Variants in GDPD4 observed in about 807,000 individuals in gnomAD.
The protein encoded by GDPD4 is glycerophosphodiester phosphodiesterase domain containing 4.
GDPD4 carries 60 observed loss-of-function variants against 67.8 expected under a neutral mutation model. The observed-to-expected ratio is 0.88, with a 90% confidence interval of 0.72 to 1.10. GDPD4 has a LOEUF of 1.10. Among genes scored for constraint, GDPD4 ranks in the 50% least tolerant of loss-of-function variants. The pLI is 0.00. For synonymous variants in GDPD4, 212 were observed against 210.9 expected (o/e 1.00, Z -0.04); for missense variants, 623 against 613.9 (o/e 1.01, Z -0.16).
At chr11:77,295,171 A>G (rs1283905909) in intron 1 of GDPD4, among the ~76,000 whole-genome samples, 1 of 151,274 alleles carries the variant, frequency 6.6e-6, no homozygotes, top group African/African-American at 2.4e-5. Flanking sequence ...TATTTTTAGT[A>G]GAGATGGGGT....
intron 13 of GDPD4, among the ~76,000 whole-genome samples, chr11:77,237,550 T>C (rs954539802): frequency 4.6e-5 from 7 of 152,290 alleles, no homozygotes; most frequent in African/African-American, 1.7e-4. Flanking sequence ...TAGTGAGCCA[T>C]AAAATAAGTT....
rs746589257 is a variant in GDPD4, at chr11:77,252,049, TG to T, written c.864+6336del. ...GGGTGTCCATTTGGGTTTTTTTGTT[TG>T]TTTGTTTTTTTTTTGTTTTTTTTTT... is the stretch of plus-strand genomic sequence containing the variant. On this transcript the variant is annotated intron_variant, in intron 11 of 16. Transcript: ENST00000315938. Among the ~76,000 whole-genome samples, 72 of 81,280 alleles carry T rather than the reference TG, an allele frequency of 8.9e-4. 2 individuals carry two copies. Among genetic ancestry groups the T allele is most frequent in the African/African-American group, 1.4e-3 (29 of 20,312 alleles). The allele number at this position is 81,280 out of a possible 152,430, so 53.3% of individuals were successfully genotyped here.
At chr11:77,242,125 G>A (rs2135841470) in intron 13 of GDPD4, among the ~76,000 whole-genome samples, 1 of 151,970 alleles carries the variant, frequency 6.6e-6, no homozygotes, top group East Asian at 1.9e-4. Context: ...TGCACAGCAG[G>A]GTAACTACAG....
chr11:77,243,533 G>T (rs1472776048), intron 13 of GDPD4, among the ~76,000 whole-genome samples, 161 bp downstream of exon 13: 1 of 139,010 alleles, frequency 7.2e-6, no homozygotes, highest in Non-Finnish European at 1.6e-5. Context: ...GGGAGGGAGG[G>T]AGGGAGGGAG....
intron 10 of GDPD4, among the ~76,000 whole-genome samples, chr11:77,266,447 G>A (rs2156863): frequency 0.073 from 11,143 of 152,166 alleles, 657 homozygotes; most frequent in East Asian, 0.24. Context: ...ACCTGAGGAT[G>A]ACAATAAACA....
chr11:77,232,463 A>C (rs753850555), intron 14 of GDPD4, among the ~76,000 whole-genome samples: 11 of 152,234 alleles, frequency 7.2e-5, no homozygotes, highest in Non-Finnish European at 1.5e-4. Context: ...ATCGTAAACC[A>C]GGTCTTCAGG....
chr11:77,258,304 T>C, intron 11 of GDPD4, 82 bp downstream of exon 11: 1 of 1,336,438 alleles, frequency 7.5e-7, no homozygotes, highest in Admixed American at 1.7e-5. Context: ...TATCTTCATC[T>C]ATGGCCTTTA....
rs565444204 is a variant in GDPD4 at position 77,262,066 on chromosome 11, T to C, written c.708-3524A>G. ...ACAGATTCCCCTTAAATGATCTCTT[T>C]AGCTGGCTTCCTAAGGGAATGGGAA... On this transcript the variant is annotated intron_variant, in intron 10 of 16. Transcript: ENST00000315938. Among the ~76,000 whole-genome samples, 12 of 152,358 alleles carry C rather than the reference T, an allele frequency of 7.9e-5. No homozygotes were observed. In the East Asian group the frequency reaches 1.3e-3, roughly 17 times the overall value.
intron 10 of GDPD4, among the ~76,000 whole-genome samples, chr11:77,260,330 G>GCA (rs1411096626): frequency 2.0e-5 from 3 of 151,064 alleles, no homozygotes; most frequent in Admixed American, 2.0e-4. Flanking sequence ...GTCGGGGGAG[G>GCA]GGGGGGAATA....
chr11:77,247,115 T>C (rs1447734187), intron 11 of GDPD4, among the ~76,000 whole-genome samples: 2 of 152,134 alleles, frequency 1.3e-5, no homozygotes, highest in African/African-American at 2.4e-5. Flanking sequence ...AAAGAAACAA[T>C]CACATTGCAC....
At chr11:77,285,453 T>A (rs1901821) in intron 2 of GDPD4, among the ~76,000 whole-genome samples, 1 of 152,034 alleles carries the variant, frequency 6.6e-6, no homozygotes, top group African/African-American at 2.4e-5. Context: ...GTCTCTGTAT[T>A]ACCAATACAT....
In GDPD4 at chr11:77,217,266, A is replaced by AATCTATCT. The variant is rs528202506; in HGVS notation, c.*3_*10dup. 13 of 1,596,052 alleles carry AATCTATCT rather than the reference A, an allele frequency of 8.1e-6. No individual in the cohort carries two copies. The highest frequency in any genetic ancestry group is 2.2e-5 in the East Asian group (1 of 44,814). The stretch of plus-strand genomic sequence containing the variant: ...ACAGGAGGTTTCATGGCTATGTGCA[A>AATCTATCT]ATCTATCTATCTATCTATCTTCCTC... On this transcript the variant is annotated 3_prime_UTR_variant, in exon 17 of 17. Transcript: ENST00000315938.
intron 13 of GDPD4, among the ~76,000 whole-genome samples, chr11:77,238,544 A>G (rs1352280091): frequency 1.3e-5 from 2 of 151,016 alleles, no homozygotes; most frequent in African/African-American, 4.9e-5. Context: ...AGATCACACC[A>G]TTGCACTCCA....
At chr11:77,218,309 C>G (rs1415946767) in intron 16 of GDPD4, among the ~76,000 whole-genome samples, 1 of 152,050 alleles carries the variant, frequency 6.6e-6, no homozygotes, top group Non-Finnish European at 1.5e-5. Context: ...TGATTAAAGT[C>G]TATTTTTTCT....
chr11:77,233,446 G>GAGA (rs1555115639), intron 13 of GDPD4, among the ~76,000 whole-genome samples: 2 of 100,408 alleles, frequency 2.0e-5, no homozygotes, highest in Non-Finnish European at 3.8e-5. Context: ...AAAACATATT[G>GAGA]AAAAAAAAAA....
chr11:77,236,284 T>A (rs1383819748), intron 13 of GDPD4, among the ~76,000 whole-genome samples: 1 of 152,092 alleles, frequency 6.6e-6, no homozygotes, highest in East Asian at 1.9e-4. Flanking sequence ...TCTGCACCCA[T>A]CAACTCATCA....
At chr11:77,289,085 C>A (rs1464773413) in intron 1 of GDPD4, among the ~76,000 whole-genome samples, 2 of 149,228 alleles carry the variant, frequency 1.3e-5, no homozygotes, top group Non-Finnish European at 3.0e-5. Context: ...AGGAAGGAAG[C>A]CTGGCTGGGC....
intron 10 of GDPD4, among the ~76,000 whole-genome samples, chr11:77,260,932 T>C (rs767341498): frequency 6.6e-6 from 1 of 152,102 alleles, no homozygotes; most frequent in Non-Finnish European, 1.5e-5. Flanking sequence ...TCAAGCAGTA[T>C]TATATATATG....
chr11:77,217,347 T>C, intron 16 of GDPD4, 33 bp from the exon 17 acceptor site: 1 of 1,538,168 alleles, frequency 6.5e-7, no homozygotes, highest in South Asian at 1.1e-5. Flanking sequence ...ATTCCTCAAA[T>C]GTCACTTCTC....
Sources: allele counts gnomAD v4.1 joint callset (sites outside exome capture counted in the v4.1 genomes callset), GRCh38; gene constraint gnomAD v4.1.1; transcripts MANE v1.5; gene names NCBI Gene and HGNC (gene_info 2026-07-23, HGNC 2026-07-21).